The following TLE1 variants were observed in gnomAD, a reference collection of about 807,000 sequenced individuals.
TLE1 encodes the protein transducin-like enhancer protein 1.
TLE1 carries 21 observed loss-of-function variants against 89.8 expected under a neutral mutation model. The ratio of observed to expected loss-of-function variants is 0.23; its 90% CI spans 0.17 to 0.34. TLE1 has a LOEUF of 0.34. TLE1 is among the 10% of genes least tolerant of loss of function. The pLI, the probability that TLE1 is intolerant of heterozygous loss-of-function variation, is 1.00. For synonymous variants in TLE1, 447 were observed against 407.6 expected (o/e 1.10, Z -1.16); for missense variants, 795 against 1,031.2 (o/e 0.77, Z 3.14).
At chr9:81,611,237 G>C (rs552139434) in intron 13 of TLE1, among the ~76,000 whole-genome samples, 46 of 152,188 alleles carry the variant, frequency 3.0e-4, no homozygotes, top group African/African-American at 1.1e-3. Flanking sequence ...GCCTGCCCCC[G>C]TGGTTCAGTC....
Position 81,667,135 on chromosome 9 carries a change from G to A in TLE1, c.235-13099C>T, listed in dbSNP as rs1054816493. On this transcript the variant is annotated intron_variant, in intron 4 of 19. Transcript: ENST00000376499. ...AGATAAAAATATGTAAAAATCAGCC[G>A]GGCACGGTGGCTCACACCTACAATT... is the stretch of plus-strand genomic sequence containing the variant. Among the ~76,000 whole-genome samples, 22 of 151,606 alleles carry A rather than the reference G, an allele frequency of 1.5e-4. No individual in the cohort carries two copies. The South Asian group carries it at 1.5e-3, about 10-fold the overall frequency.
In TLE1 at chr9:81,652,106, TACACAC is replaced by T. The variant is rs3045544; in HGVS notation, c.372+102_372+107del. ...CTTATCAAATAGGTCAACGTTAAGA[TACACAC>T]ACACACACACACACACACACACACA... On this transcript the variant is annotated intron_variant, in intron 6 of 19. Transcript: ENST00000376499. 322 of 696,128 alleles carry T rather than the reference TACACAC, an allele frequency of 4.6e-4. 2 individuals carry two copies. Among genetic ancestry groups the T allele is most frequent in the South Asian group, 6.1e-4 (25 of 41,268 alleles). 43.1% of individuals were successfully genotyped at this position (696,128 alleles called of 1,614,324 possible).
chr9:81,584,193 T>C lies in TLE1; in HGVS notation c.*5A>G. 6.2e-7 allele frequency: 1 copy of C among 1,610,414 alleles called. No individual in the cohort carries two copies. The highest frequency in any genetic ancestry group is 8.5e-7 in the Non-Finnish European group (1 of 1,176,572). On this transcript the variant is annotated 3_prime_UTR_variant, in exon 20 of 20. Transcript: ENST00000376499. Reference sequence around the variant, plus strand: ...CAACTATAAACGTTAAACCACATAATGTTTTCAGTAGATGACTTCATAGAC... The same window carrying C: ...CAACTATAAACGTTAAACCACATAACGTTTTCAGTAGATGACTTCATAGAC...
chr9:81,675,889 C>CG (rs1489003713), intron 4 of TLE1, among the ~76,000 whole-genome samples: 1 of 151,776 alleles, frequency 6.6e-6, no homozygotes, highest in Non-Finnish European at 1.5e-5. Context: ...TCAGCAGAGA[C>CG]GGGGTTTCAC....
chr9:81,596,332 G>A (rs1302364862), intron 14 of TLE1, among the ~76,000 whole-genome samples: 1 of 152,150 alleles, frequency 6.6e-6, no homozygotes, highest in Non-Finnish European at 1.5e-5. Context: ...TCAGTCACAG[G>A]GGGCCTCGCA....
intron 4 of TLE1, among the ~76,000 whole-genome samples, chr9:81,666,415 G>C (rs1006180128): frequency 6.6e-6 from 1 of 152,126 alleles, no homozygotes; most frequent in Non-Finnish European, 1.5e-5. Flanking sequence ...CAGGATTAGT[G>C]GGAGGAAAAG....
At chr9:81,663,528 G>A (rs1831079026) in intron 4 of TLE1, among the ~76,000 whole-genome samples, 1 of 152,016 alleles carries the variant, frequency 6.6e-6, no homozygotes, top group South Asian at 2.1e-4. Flanking sequence ...TGATCCCTCA[G>A]CCAACAAAGG....
intron 15 of TLE1, among the ~76,000 whole-genome samples, chr9:81,591,931 C>T (rs937012849): frequency 3.3e-5 from 5 of 152,328 alleles, no homozygotes; most frequent in South Asian, 2.1e-4. Context: ...TCCAGGCAGG[C>T]AGTGGGTACG....
At chr9:81,627,056 T>G (rs1329543783) in intron 8 of TLE1, among the ~76,000 whole-genome samples, 1 of 152,088 alleles carries the variant, frequency 6.6e-6, no homozygotes, top group Non-Finnish European at 1.5e-5. Context: ...TACTTGCTAA[T>G]GCAAGAAATG....
At chr9:81,634,070 C>T (rs1400912271) in intron 7 of TLE1, 27 bp downstream of exon 7, 3 of 1,589,714 alleles carry the variant, frequency 1.9e-6, no homozygotes, top group Non-Finnish European at 2.6e-6. Flanking sequence ...AGGACAAAGT[C>T]CTAATCTGGC....
chr9:81,677,242 C>CG (rs1056011864), intron 4 of TLE1, among the ~76,000 whole-genome samples: 1 of 129,496 alleles, frequency 7.7e-6, no homozygotes, highest in Non-Finnish European at 1.8e-5. Flanking sequence ...GTCTTCCCCC[C>CG]CCCAAAAAAA....
intron 4 of TLE1, among the ~76,000 whole-genome samples, chr9:81,665,232 T>G (rs1390485505): frequency 6.6e-6 from 1 of 152,202 alleles, no homozygotes; most frequent in Non-Finnish European, 1.5e-5. Flanking sequence ...AATATTCATT[T>G]AAGTTATTCC....
chr9:81,679,112 T>C (rs1348443862), intron 4 of TLE1, among the ~76,000 whole-genome samples: 1 of 152,180 alleles, frequency 6.6e-6, no homozygotes, highest in Non-Finnish European at 1.5e-5. Context: ...TGCGCTACTA[T>C]ACTCCAGTCT....
chr9:81,644,648 G>C lies in TLE1; in HGVS notation c.372+7566C>G, dbSNP rs117602479. On this transcript the variant is annotated intron_variant, in intron 6 of 19. Transcript: ENST00000376499. Reference sequence around the variant, plus strand: ...TCTAGAAAAATTTTATAGTCGTGATGGTTGTACAGCAATGTGAATACGCTA... The same window carrying C: ...TCTAGAAAAATTTTATAGTCGTGATCGTTGTACAGCAATGTGAATACGCTA... Among the ~76,000 whole-genome samples the C allele has an allele frequency of 2.5e-4, 38 of 152,214 alleles. 3 individuals are homozygous for C. The East Asian group carries it at 7.4e-3, about 29-fold the overall frequency.
At chr9:81,625,911 T>TAAAAAAAAAAAAAAAAAAAAAAAAA (rs35467275) in intron 8 of TLE1, among the ~76,000 whole-genome samples, 3 of 87,846 alleles carry the variant, frequency 3.4e-5, no homozygotes, top group Non-Finnish European at 6.1e-5. Flanking sequence ...CAGAAACTAC[T>TAAAAAAAAAAAAAAAAAAAAAAAAA]AAAAAAAAAA....
intron 6 of TLE1, among the ~76,000 whole-genome samples, chr9:81,648,129 G>A (rs1477643724): frequency 6.6e-6 from 1 of 151,790 alleles, no homozygotes; most frequent in East Asian, 1.9e-4. Context: ...AAAATTAGCT[G>A]GGTATGGCGG....
chr9:81,672,463 A>AT (rs34263355), intron 4 of TLE1, among the ~76,000 whole-genome samples: 83,054 of 144,214 alleles, frequency 0.58, 25,567 homozygotes, highest in African/African-American at 0.83. Context: ...CCTCCCAACA[A>AT]TTTTTTTTTT....
At chr9:81,681,109 A>T (rs1833567782) in intron 4 of TLE1, among the ~76,000 whole-genome samples, 1 of 152,162 alleles carries the variant, frequency 6.6e-6, no homozygotes, top group African/African-American at 2.4e-5. Context: ...AAAACTGTAA[A>T]AGCAGTTTCA....
At chr9:81,630,066 G>A (rs541050895) in intron 8 of TLE1, among the ~76,000 whole-genome samples, 23 of 151,936 alleles carry the variant, frequency 1.5e-4, no homozygotes, top group Non-Finnish European at 2.4e-4. Context: ...CATTCCCTGC[G>A]GATCCCATCA....
Sources: gnomAD v4.1 joint callset for allele counts (sites outside exome capture counted in the v4.1 genomes callset) on GRCh38, gnomAD v4.1.1 for gene constraint, MANE v1.5 for transcripts, NCBI Gene and HGNC (gene_info 2026-07-23, HGNC 2026-07-21) for gene names.